PTPRD: variants seen among roughly 807,000 people sequenced by gnomAD.
PTPRD encodes the protein protein tyrosine phosphatase receptor type D, also known as receptor-type tyrosine-protein phosphatase delta.
Under a neutral mutation model 214.5 loss-of-function variants are expected in PTPRD, and 34 were observed. The ratio of observed to expected loss-of-function variants is 0.16; its 90% CI spans 0.12 to 0.21. PTPRD has a LOEUF of 0.21. Among genes scored for constraint, PTPRD ranks in the 10% least tolerant of loss-of-function variants. The pLI is 1.00. For synonymous variants in PTPRD, 1,128 were observed against 845.7 expected (o/e 1.33, Z -5.79); for missense variants, 2,545 against 2,398.7 (o/e 1.06, Z -1.27).
chr9:9,990,723 T>A (rs541509067), intron 4 of PTPRD, among the ~76,000 whole-genome samples: 5 of 152,352 alleles, frequency 3.3e-5, no homozygotes, highest in African/African-American at 9.6e-5. Context: ...AAGTTTACTC[T>A]GGCAAAATGG....
chr9:9,024,348 G>GTTTT (rs752607769), intron 10 of PTPRD, among the ~76,000 whole-genome samples: 2,760 of 63,902 alleles, frequency 0.043, 76 homozygotes, highest in Non-Finnish European at 0.053. Flanking sequence ...GTTTTTTTTT[G>GTTTT]TTTGTTTTTT....
chr9:8,524,880 CT>C (rs1409303530), intron 18 of PTPRD, 44 bp downstream of exon 18: 1 of 1,549,374 alleles, frequency 6.5e-7, no homozygotes, highest in African/African-American at 1.4e-5. Flanking sequence ...TCAACTCCCC[CT>C]GAGCCTGAAT....
chr9:8,525,310 T>C, intron 17 of PTPRD: 1 of 507,532 alleles, frequency 2.0e-6, no homozygotes, highest in East Asian at 3.8e-5. Context: ...TCTTATTTCC[T>C]AGACTAATAA....
intron 8 of PTPRD, among the ~76,000 whole-genome samples, chr9:9,399,134 T>G (rs137896662): frequency 2.2e-3 from 331 of 152,190 alleles, no homozygotes; most frequent in African/African-American, 7.6e-3. Flanking sequence ...CATTAAGAAC[T>G]TTTCTTACTG....
At chr9:9,062,072 A>G (rs2099708549) in intron 10 of PTPRD, among the ~76,000 whole-genome samples, 1 of 152,092 alleles carries the variant, frequency 6.6e-6, no homozygotes, top group Non-Finnish European at 1.5e-5. Flanking sequence ...ATTAACCCCA[A>G]TCCCTTATGC....
At chr9:10,337,967 A>T (rs1382703521) in intron 3 of PTPRD, among the ~76,000 whole-genome samples, 1 of 151,634 alleles carries the variant, frequency 6.6e-6, no homozygotes. Flanking sequence ...CCTAATATAA[A>T]ATTTTTTTTA....
chr9:9,344,146 T>C (rs1232045934), intron 9 of PTPRD, among the ~76,000 whole-genome samples: 1 of 152,112 alleles, frequency 6.6e-6, no homozygotes. Context: ...ACTAAGAAAG[T>C]TAACTCATCT....
At chr9:9,066,992 C>T (rs1313919510) in intron 10 of PTPRD, among the ~76,000 whole-genome samples, 2 of 152,202 alleles carry the variant, frequency 1.3e-5, no homozygotes, top group East Asian at 1.9e-4. Flanking sequence ...CCTGTAATCC[C>T]AGCACTTTGG....
intron 11 of PTPRD, among the ~76,000 whole-genome samples, chr9:8,893,314 G>A (rs899057122): frequency 6.6e-6 from 1 of 152,088 alleles, no homozygotes; most frequent in Non-Finnish European, 1.5e-5. Flanking sequence ...TCATTATCAG[G>A]AGACAGAAAG....
intron 2 of PTPRD, among the ~76,000 whole-genome samples, chr9:10,389,912 G>A (rs940673980): frequency 2.6e-5 from 4 of 151,906 alleles, no homozygotes; most frequent in Admixed American, 6.6e-5. Flanking sequence ...GCTTACCATT[G>A]CTGACAAGGG....
intron 18 of PTPRD, 94 bp downstream of exon 18, chr9:8,524,831 T>A (rs749099158): frequency 2.0e-6 from 2 of 1,012,192 alleles, no homozygotes; most frequent in South Asian, 1.3e-5. Flanking sequence ...CAAACCAGCT[T>A]GTTAACTACT....
At chr9:9,387,703 C>T (rs1298586673) in intron 9 of PTPRD, among the ~76,000 whole-genome samples, 1 of 152,070 alleles carries the variant, frequency 6.6e-6, no homozygotes, top group East Asian at 1.9e-4. Flanking sequence ...AGGAAGGGTT[C>T]CTTTGTCCCC....
intron 2 of PTPRD, among the ~76,000 whole-genome samples, chr9:10,441,470 G>A (rs73408112): frequency 2.0e-5 from 3 of 151,438 alleles, no homozygotes; most frequent in South Asian, 4.1e-4. Flanking sequence ...CTTTGACACC[G>A]AATATATTTA....
chr9:8,507,816 T>C (rs566139452), intron 21 of PTPRD, among the ~76,000 whole-genome samples: 9 of 152,206 alleles, frequency 5.9e-5, no homozygotes, highest in South Asian at 2.1e-4. Context: ...CTAAAAGTAT[T>C]GTTATTTACA....
intron 6 of PTPRD, among the ~76,000 whole-genome samples, chr9:9,734,861 T>C (rs866041230): frequency 2.0e-5 from 3 of 152,234 alleles, no homozygotes; most frequent in Middle Eastern, 3.4e-3. Flanking sequence ...ATTCTTTAAG[T>C]TCTCAAAGAA....
intron 35 of PTPRD, among the ~76,000 whole-genome samples, chr9:8,407,528 A>T (rs914994231): frequency 2.6e-5 from 4 of 152,220 alleles, no homozygotes; most frequent in African/African-American, 9.6e-5. Flanking sequence ...CCATGATACT[A>T]CTTAACTATC....
At chr9:9,890,236 G>A (rs367750329) in intron 5 of PTPRD, among the ~76,000 whole-genome samples, 1 of 151,792 alleles carries the variant, frequency 6.6e-6, no homozygotes, top group Non-Finnish European at 1.5e-5. Context: ...CTTACTCTGT[G>A]GCCCAGGGTA....
chr9:8,506,009 G>A (rs970638988), intron 22 of PTPRD, among the ~76,000 whole-genome samples: 1 of 152,130 alleles, frequency 6.6e-6, no homozygotes, highest in Non-Finnish European at 1.5e-5. Flanking sequence ...CTTTTTGAGT[G>A]CTTGATTTAT....
intron 2 of PTPRD, among the ~76,000 whole-genome samples, chr9:10,405,132 G>C (rs2098332728): frequency 6.6e-6 from 1 of 151,592 alleles, no homozygotes; most frequent in Admixed American, 6.6e-5. Context: ...TGGCAGGCAA[G>C]TCCTAAAGAA....
Sources: gnomAD v4.1 joint callset for allele counts (sites outside exome capture counted in the v4.1 genomes callset) on GRCh38, gnomAD v4.1.1 for gene constraint, MANE v1.5 for transcripts, NCBI Gene and HGNC (gene_info 2026-07-23, HGNC 2026-07-21) for gene names.